Variants in KLF12 observed in about 807,000 individuals in gnomAD.
KLF12 encodes the protein KLF transcription factor 12, also known as Krueppel-like factor 12.
KLF12 carries 9 observed loss-of-function variants against 37.8 expected under a neutral mutation model. The observed-to-expected ratio is 0.24, with a 90% confidence interval of 0.14 to 0.42. KLF12 has a LOEUF of 0.42. Ranked by LOEUF, KLF12 falls within the 10% of genes least tolerant of loss-of-function variation. The probability of loss-of-function intolerance (pLI) is 1.00; values close to 1 mark genes in which losing one functional copy is unlikely to be tolerated. For missense variants in KLF12, 411 were observed against 516.0 expected (o/e 0.80, Z 1.97); for synonymous variants, 208 against 202.1 (o/e 1.03, Z -0.25).
chr13:73,957,521 C>T (rs1416423584), intron 2 of KLF12, among the ~76,000 whole-genome samples: 1 of 152,136 alleles, frequency 6.6e-6, no homozygotes, highest in Non-Finnish European at 1.5e-5. Context: ...TCCAAAGTAA[C>T]TACAATTACC....
chr13:74,173,322 G>C, the KLF12 span, among the ~76,000 whole-genome samples: 11 of 152,178 alleles, frequency 7.2e-5, no homozygotes, highest in Non-Finnish European at 1.5e-4. Context: ...CTTGGTTGTT[G>C]TAGAAATGGC....
intron 1 of KLF12, among the ~76,000 whole-genome samples, chr13:74,053,212 T>C (rs1013814016): frequency 6.6e-6 from 1 of 152,176 alleles, no homozygotes. Flanking sequence ...GAATACAGCA[T>C]TGATAGTGAA....
intron 3 of KLF12, among the ~76,000 whole-genome samples, chr13:73,939,570 T>C (rs539856380): frequency 1.4e-4 from 21 of 152,294 alleles, no homozygotes; most frequent in Admixed American, 1.2e-3. Flanking sequence ...TGAATTAACA[T>C]AGATGTTGAA....
At chr13:74,198,021 G>A in the KLF12 span, among the ~76,000 whole-genome samples, 3 of 150,902 alleles carry the variant, frequency 2.0e-5, no homozygotes, top group Non-Finnish European at 4.4e-5. Flanking sequence ...AAGGAGAGAA[G>A]AGAAAAAAAG....
chr13:73,893,431 G>C (rs182721239), intron 3 of KLF12, among the ~76,000 whole-genome samples: 8 of 132,232 alleles, frequency 6.0e-5, no homozygotes. Context: ...GCCCAGGCTA[G>C]AGTGCAGTGG....
At chr13:73,830,096 GATA>G (rs1448882364) in intron 4 of KLF12, among the ~76,000 whole-genome samples, 5 of 152,142 alleles carry the variant, frequency 3.3e-5, no homozygotes, top group African/African-American at 1.2e-4. Flanking sequence ...TTGCAAGGTG[GATA>G]ATGAGATAAT....
intron 7 of KLF12, among the ~76,000 whole-genome samples, chr13:73,711,302 C>T (rs1052865255): frequency 2.6e-5 from 4 of 152,220 alleles, no homozygotes; most frequent in African/African-American, 9.6e-5. Context: ...TACTAAACTA[C>T]AGATTTTCAA....
chr13:73,746,810 CTTTTTTTTT>C (rs776746904), intron 6 of KLF12, among the ~76,000 whole-genome samples: 2 of 119,858 alleles, frequency 1.7e-5, no homozygotes, highest in Admixed American at 9.1e-5. Flanking sequence ...TCCCTCCCTC[CTTTTTTTTT>C]TTTTTTTTTT....
intron 2 of KLF12, among the ~76,000 whole-genome samples, chr13:73,984,106 C>G (rs1891757335): frequency 6.6e-6 from 1 of 152,132 alleles, no homozygotes; most frequent in African/African-American, 2.4e-5. Flanking sequence ...GTGGGGAGGA[C>G]AGCAAGCAGG....
intron 7 of KLF12, among the ~76,000 whole-genome samples, chr13:73,706,139 G>A (rs1310680505): frequency 6.6e-6 from 1 of 152,164 alleles, no homozygotes; most frequent in Non-Finnish European, 1.5e-5. Context: ...TGGCGACAGA[G>A]TGAGACTCCA....
chr13:73,773,388 AAG>A (rs914481651), intron 5 of KLF12, among the ~76,000 whole-genome samples: 4 of 152,188 alleles, frequency 2.6e-5, no homozygotes, highest in African/African-American at 9.6e-5. Context: ...CAGGACAGAA[AAG>A]AGTGTCTCCA....
chr13:73,763,813 T>C (rs1165867472), intron 6 of KLF12, among the ~76,000 whole-genome samples: 2 of 152,150 alleles, frequency 1.3e-5, no homozygotes, highest in Non-Finnish European at 2.9e-5. Flanking sequence ...GATAACATGC[T>C]TTAGCAATGG....
At chr13:74,003,051 CA>C (rs1892322093) in intron 1 of KLF12, among the ~76,000 whole-genome samples, 1 of 152,104 alleles carries the variant, frequency 6.6e-6, no homozygotes, top group Non-Finnish European at 1.5e-5. Flanking sequence ...ATGGAAGAAC[CA>C]TAGTTATTCC....
At chr13:73,962,082 T>C in intron 2 of KLF12, 1 of 446,388 alleles carries the variant, frequency 2.2e-6, no homozygotes, top group Non-Finnish European at 4.5e-6. Flanking sequence ...CAAAATGTCC[T>C]TCATTAGGTG....
intron 1 of KLF12, among the ~76,000 whole-genome samples, chr13:74,084,941 GT>G (rs1355106367): frequency 6.6e-6 from 1 of 151,968 alleles, no homozygotes; most frequent in Non-Finnish European, 1.5e-5. Flanking sequence ...GGTTTTGTTG[GT>G]TTTTTTAAAA....
intron 3 of KLF12, among the ~76,000 whole-genome samples, chr13:73,925,440 T>G (rs1367947042): frequency 6.6e-6 from 1 of 152,184 alleles, no homozygotes; most frequent in Non-Finnish European, 1.5e-5. Flanking sequence ...AACAGCATGA[T>G]TTACGGAGTA....
intron 2 of KLF12, among the ~76,000 whole-genome samples, chr13:73,991,772 G>C (rs1446181196): frequency 6.6e-6 from 1 of 152,208 alleles, no homozygotes; most frequent in Non-Finnish European, 1.5e-5. Flanking sequence ...ATTAATTGCA[G>C]CTTTTGGAGC....
At chr13:73,841,806 T>C (rs75479618) in intron 4 of KLF12, among the ~76,000 whole-genome samples, 4 of 152,082 alleles carry the variant, frequency 2.6e-5, no homozygotes, top group Non-Finnish European at 4.4e-5. Context: ...GTACCACCAC[T>C]GTGGGGGGGC....
At chr13:74,057,855 G>T (rs977040552) in intron 1 of KLF12, among the ~76,000 whole-genome samples, 1 of 151,888 alleles carries the variant, frequency 6.6e-6, no homozygotes, top group Non-Finnish European at 1.5e-5. Flanking sequence ...GAAGGAAGGA[G>T]GTCAAAGCAT....
Sources: gnomAD v4.1 joint callset for allele counts (sites outside exome capture counted in the v4.1 genomes callset) on GRCh38, gnomAD v4.1.1 for gene constraint, MANE v1.5 for transcripts, NCBI Gene and HGNC (gene_info 2026-07-23, HGNC 2026-07-21) for gene names.